Variants in NBAS observed in about 807,000 individuals in gnomAD.
NBAS encodes NBAS subunit of NRZ tethering complex.
NBAS carries 219 observed loss-of-function variants against 302.5 expected under a neutral mutation model. The ratio of observed to expected loss-of-function variants is 0.72; its 90% CI spans 0.65 to 0.81. The LOEUF (loss-of-function observed/expected upper bound fraction) is 0.81. Among genes scored for constraint, NBAS ranks in the 30% least tolerant of loss-of-function variants. NBAS has a pLI of 0.00. For synonymous variants in NBAS, 1,118 were observed against 1,021.6 expected (o/e 1.09, Z -1.80); for missense variants, 2,932 against 2,841.6 (o/e 1.03, Z -0.72).
intron 39 of NBAS, 43 bp downstream of exon 39, chr2:15,309,128 C>A: frequency 6.6e-7 from 1 of 1,506,482 alleles, no homozygotes; most frequent in South Asian, 1.1e-5. Flanking sequence ...ATACATTTTC[C>A]ATTTAGTCAT....
chr2:14,782,300 C>A, the NBAS span, among the ~76,000 whole-genome samples: 1 of 152,086 alleles, frequency 6.6e-6, no homozygotes, highest in Non-Finnish European at 1.5e-5. Flanking sequence ...GGGCAAAATA[C>A]ATGATCAGAC....
At chr2:14,845,925 C>T in the NBAS span, among the ~76,000 whole-genome samples, 1 of 151,678 alleles carries the variant, frequency 6.6e-6, no homozygotes, top group African/African-American at 2.4e-5. Context: ...AAAAAATAGC[C>T]TCAAATGGCA....
chr2:14,903,142 C>G, the NBAS span, among the ~76,000 whole-genome samples: 1 of 151,944 alleles, frequency 6.6e-6, no homozygotes, highest in Non-Finnish European at 1.5e-5. Flanking sequence ...GGTGTCCTAG[C>G]GTGTAAGGGC....
chr2:15,024,287 G>A, the NBAS span, among the ~76,000 whole-genome samples: 2 of 58,884 alleles, frequency 3.4e-5, no homozygotes, highest in Non-Finnish European at 6.5e-5. Flanking sequence ...CAATGTTCCT[G>A]CAAAAAAAAA....
At chr2:15,431,172 C>G (rs1677746546) in intron 21 of NBAS, among the ~76,000 whole-genome samples, 3 of 152,212 alleles carry the variant, frequency 2.0e-5, no homozygotes, top group Non-Finnish European at 4.4e-5. Flanking sequence ...CATTTACATG[C>G]ATATCAAAAG....
chr2:15,461,874 C>T, intron 19 of NBAS, 83 bp from the exon 20 acceptor site: 5 of 758,800 alleles, frequency 6.6e-6, no homozygotes, highest in South Asian at 6.3e-5. Context: ...ACCTTTACAA[C>T]TCTGCCTGCC....
At chr2:15,045,763 G>A in the NBAS span, among the ~76,000 whole-genome samples, 4 of 152,068 alleles carry the variant, frequency 2.6e-5, no homozygotes, top group African/African-American at 9.7e-5. Context: ...GTAGTTCTAC[G>A]CCAAATTTTT....
chr2:15,275,416 C>A, intron 44 of NBAS, 68 bp downstream of exon 44: 2 of 1,452,112 alleles, frequency 1.4e-6, no homozygotes, highest in Admixed American at 2.2e-5. Flanking sequence ...ATAAAATCTA[C>A]AGAATGTAGG....
chr2:14,806,258 C>T, the NBAS span, among the ~76,000 whole-genome samples: 1 of 152,176 alleles, frequency 6.6e-6, no homozygotes, highest in African/African-American at 2.4e-5. Context: ...AGACTGTTGA[C>T]TCCCTCAGTC....
rs543007448 is a variant in NBAS at position 15,266,129 on chromosome 2, A to G, written c.5724+9355T>C. Among the ~76,000 whole-genome samples the G allele has an allele frequency of 2.6e-5, 4 of 152,198 alleles. No homozygotes were observed. In the East Asian group the frequency reaches 7.7e-4, roughly 29 times the overall value. ...GAAGGGGCTTCCCCCTTGGCTGGGC[A>G]CTCATTCTCTTTCCTGCCACCCTGT... On this transcript the variant is annotated intron_variant, in intron 44 of 51. Transcript: ENST00000281513.
chr2:14,805,104 G>A, the NBAS span, among the ~76,000 whole-genome samples: 8,262 of 152,136 alleles, frequency 0.054, 235 homozygotes, highest in Non-Finnish European at 0.059. Flanking sequence ...GTCATTATCC[G>A]CCACAGGATC....
At chr2:15,157,549 C>T in the NBAS span, among the ~76,000 whole-genome samples, 8 of 152,200 alleles carry the variant, frequency 5.3e-5, no homozygotes, top group African/African-American at 1.9e-4. Context: ...CAGAATTCCC[C>T]TCCCCGGGGT....
At chr2:15,376,316 G>A (rs1271239849) in intron 30 of NBAS, among the ~76,000 whole-genome samples, 1 of 152,148 alleles carries the variant, frequency 6.6e-6, no homozygotes, top group East Asian at 1.9e-4. Flanking sequence ...ATGAAGGTGT[G>A]TCCTTGCAAG....
chr2:14,960,868 T>C, the NBAS span, among the ~76,000 whole-genome samples: 2 of 152,168 alleles, frequency 1.3e-5, no homozygotes, highest in Non-Finnish European at 2.9e-5. Context: ...TTCTAATCCA[T>C]TGCCAAAAAC....
At chr2:15,388,530 G>A (rs1348258711) in intron 28 of NBAS, among the ~76,000 whole-genome samples, 2 of 150,278 alleles carry the variant, frequency 1.3e-5, no homozygotes, top group Non-Finnish European at 3.0e-5. Context: ...ACACATTGCT[G>A]ACAGAAATAT....
chr2:14,820,729 A>G, the NBAS span, among the ~76,000 whole-genome samples: 15 of 152,130 alleles, frequency 9.9e-5, no homozygotes, highest in Admixed American at 9.8e-4. Flanking sequence ...GCATGGAAGG[A>G]GTAGATACAA....
chr2:15,267,023 T>A (rs549327126), intron 44 of NBAS, among the ~76,000 whole-genome samples: 1 of 152,338 alleles, frequency 6.6e-6, no homozygotes, highest in East Asian at 1.9e-4. Flanking sequence ...TTTCCCACAA[T>A]GACATCTTAC....
intron 11 of NBAS, among the ~76,000 whole-genome samples, chr2:15,499,289 G>A (rs1002680354): frequency 6.6e-6 from 1 of 152,094 alleles, no homozygotes; most frequent in Non-Finnish European, 1.5e-5. Context: ...AAATCGTTCT[G>A]TCATAAAGAC....
At chr2:14,909,759 C>T in the NBAS span, among the ~76,000 whole-genome samples, 1 of 152,254 alleles carries the variant, frequency 6.6e-6, no homozygotes, top group East Asian at 1.9e-4. Flanking sequence ...GACAAGATTG[C>T]CCACTGGGTA....
Sources: gnomAD v4.1 joint callset for allele counts (sites outside exome capture counted in the v4.1 genomes callset) on GRCh38, gnomAD v4.1.1 for gene constraint, MANE v1.5 for transcripts, NCBI Gene and HGNC (gene_info 2026-07-23, HGNC 2026-07-21) for gene names.